Variants in PLAGL1 observed in about 807,000 individuals in gnomAD.
PLAGL1 encodes the protein PLAG1 like zinc finger 1.
In PLAGL1, 1 loss-of-function variant was observed where a neutral mutation model predicts 4.6. The ratio of observed to expected loss-of-function variants is 0.22; its 90% CI spans 0.08 to 1.03. The LOEUF (loss-of-function observed/expected upper bound fraction) is 1.03. PLAGL1 is among the 50% of genes least tolerant of loss of function. The pLI, the probability that PLAGL1 is intolerant of heterozygous loss-of-function variation, is 0.58. For missense variants in PLAGL1, 464 were observed against 570.4 expected (o/e 0.81, Z 1.90); for synonymous variants, 240 against 237.8 (o/e 1.01, Z -0.08).
Position 144,064,187 on chromosome 6 carries a change from A to T in PLAGL1, c.-151+281T>A, listed in dbSNP as rs1285525269. Among the ~76,000 whole-genome samples the T allele has an allele frequency of 6.6e-6, 1 of 151,806 alleles. No individual in the cohort carries two copies. The highest frequency in any genetic ancestry group is 1.5e-5 in the Non-Finnish European group (1 of 67,920). ...CCGCCCTCCGCCCAGCGCAGAAGCG[A>T]AGAGCTGCAGACGACGGAGAAAAGG... On this transcript the variant is annotated intron_variant, in intron 1 of 3. Coordinates refer to the PLAGL1 transcript ENST00000437412. This position sits in a 1 kb window ranked among gnomAD's most constrained non-coding sequence, Gnocchi z 6.8.
Position 143,966,252 on chromosome 6 carries a change from AG to A in PLAGL1, c.-471-55del, listed in dbSNP as rs1470837076. ...ACCACTGAAAGTTGTTAATCAGGAG[AG>A]CAATATGTTCAGGCTTGTGTTATAG... On this transcript the variant is annotated intron_variant, in intron 3 of 7. Transcript: ENST00000674357. The surrounding 1 kb of genome is among the most constrained non-coding windows in gnomAD (Gnocchi z 6.0). 1 of 152,218 alleles carries A rather than the reference AG, an allele frequency of 6.6e-6. No individual in the cohort carries two copies. Among genetic ancestry groups the A allele is most frequent in the African/African-American group, 2.4e-5 (1 of 41,466 alleles). 9.4% of individuals were successfully genotyped at this position (152,218 alleles called of 1,614,324 possible). A position where few individuals can be genotyped will look rare whatever the true frequency, so the allele number is the denominator to read the frequency against.
chr6:144,043,855 G>A (rs1797926131), intron 1 of PLAGL1, among the ~76,000 whole-genome samples: 1 of 152,006 alleles, frequency 6.6e-6, no homozygotes, highest in Non-Finnish European at 1.5e-5. Context: ...CAATTTCAGG[G>A]CCTGTTATTG....
intron 2 of PLAGL1, among the ~76,000 whole-genome samples, chr6:143,980,238 G>C (rs991917961): frequency 6.6e-6 from 1 of 151,880 alleles, no homozygotes; most frequent in Admixed American, 6.6e-5. Flanking sequence ...TTAGATTTGT[G>C]GATTTATTGT....
At position 143,947,817 on chromosome 6, in the gene PLAGL1, G is replaced by T. The variant is rs2076683; in HGVS notation, c.152+168C>A. On this transcript the variant is annotated intron_variant, in intron 7 of 7. Transcript: ENST00000674357. This position sits in a 1 kb window ranked among gnomAD's most constrained non-coding sequence, Gnocchi z 4.3. ...ATGAACTGACACTGCACAACAAGACGGTCACATAAAACCACAGGAATCACT... is the reference window on the plus strand; with the variant it reads ...ATGAACTGACACTGCACAACAAGACTGTCACATAAAACCACAGGAATCACT... 0.35 allele frequency among the ~76,000 whole-genome samples: 53,699 copies of T among 152,028 alleles called. 10,456 individuals carry two copies. The highest frequency in any genetic ancestry group is 0.44 in the Non-Finnish European group (30,007 of 67,946).
chr6:143,941,325 C>T lies in PLAGL1; in HGVS notation c.*99G>A. On this transcript the variant is annotated 3_prime_UTR_variant, in exon 8 of 8. Transcript: ENST00000674357. The surrounding 1 kb of genome is among the most constrained non-coding windows in gnomAD (Gnocchi z 6.0). ...CAGTCATCACTGAATAAGCCATAGT[C>T]CCAGTCTCGTTTTCCAAATCTTTCT... 4 of 877,528 alleles carry T rather than the reference C, an allele frequency of 4.6e-6. No homozygotes were observed. The highest frequency in any genetic ancestry group is 2.7e-5 in the East Asian group (1 of 36,742). 54.4% of individuals were successfully genotyped at this position (877,528 alleles called of 1,614,324 possible). A position where few individuals can be genotyped will look rare whatever the true frequency, so the allele number is the denominator to read the frequency against.
chr6:144,016,531 A>T lies in PLAGL1; in HGVS notation c.-150-47553T>A, dbSNP rs578022897. Among the ~76,000 whole-genome samples the T allele has an allele frequency of 6.6e-6, 1 of 152,198 alleles. No individual in the cohort carries two copies. The highest frequency in any genetic ancestry group is 1.5e-5 in the Non-Finnish European group (1 of 68,034). ...TATTAACCATCATAATATGTAAACGACACATGGTCCCATTCATAGGAAATT... is the reference window on the plus strand; with the variant it reads ...TATTAACCATCATAATATGTAAACGTCACATGGTCCCATTCATAGGAAATT... On this transcript the variant is annotated intron_variant, in intron 1 of 3. Transcript: ENST00000437412. The surrounding 1 kb of genome is among the most constrained non-coding windows in gnomAD (Gnocchi z 4.2).
At chr6:143,974,906 G>C (rs1786172647) in intron 2 of PLAGL1, among the ~76,000 whole-genome samples, 1 of 152,116 alleles carries the variant, frequency 6.6e-6, no homozygotes, top group African/African-American at 2.4e-5. Context: ...AAATACTACT[G>C]AAAGAAAGTC....
At position 143,948,033 on chromosome 6, in the gene PLAGL1, A is replaced by G; in HGVS notation, c.104T>C (p.Val35Ala). 1 of 1,614,206 alleles carries G rather than the reference A, an allele frequency of 6.2e-7. No individual in the cohort carries two copies. The highest frequency in any genetic ancestry group is 8.5e-7 in the Non-Finnish European group (1 of 1,179,998). Reference sequence around the variant, plus strand: ...AAAGGCTTTGCCACAGTCAGGCTGCACACACTTGTACGGCCGCTCCCTGGA... The same window carrying G: ...AAAGGCTTTGCCACAGTCAGGCTGCGCACACTTGTACGGCCGCTCCCTGGA... ...SHSRERPYKC[V>A]QPDCGKAFVS... Residue 35 changes from valine (V) to alanine (A), a missense_variant, in exon 7 of 8, where the codon GTG becomes GCG. By Grantham distance (64) the Val-to-Ala change is moderately conservative (BLOSUM62 0). Transcript: ENST00000674357. The surrounding 1 kb of genome is among the most constrained non-coding windows in gnomAD (Gnocchi z 6.0).
Position 143,997,788 on chromosome 6 carries a change from TGAGA to T in PLAGL1, c.-584+10298_-584+10301del, listed in dbSNP as rs150610164. 0.024 allele frequency among the ~76,000 whole-genome samples: 3,691 copies of T among 152,130 alleles called. 136 individuals carry two copies. Among genetic ancestry groups the T allele is most frequent in the African/African-American group, 0.085 (3,512 of 41,470 alleles). On this transcript the variant is annotated intron_variant, in intron 1 of 7. Transcript: ENST00000674357. The surrounding 1 kb of genome is among the most constrained non-coding windows in gnomAD (Gnocchi z 4.6). ...GGGGAGGTGTTGACCAGGAGGTAAATGAGAGAATTTTATCCTCGATGGATGTAAT... is the reference window on the plus strand; with the variant it reads ...GGGGAGGTGTTGACCAGGAGGTAAATGAATTTTATCCTCGATGGATGTAAT...
chr6:143,971,095 CT>C lies in PLAGL1; in HGVS notation c.-543-2118del, dbSNP rs560762143. The stretch of plus-strand genomic sequence containing the variant: ...TGAAATCTAAGTGCTATGCTTAATG[CT>C]TTTTTTTTTTATCTTCAAGTTAATA... On this transcript the variant is annotated intron_variant, in intron 2 of 7. Coordinates refer to ENST00000674357, the MANE Select transcript of PLAGL1 (RefSeq NM_001317162.2). This position sits in a 1 kb window ranked among gnomAD's most constrained non-coding sequence, Gnocchi z 4.7. 0.035 allele frequency among the ~76,000 whole-genome samples: 5,082 copies of C among 145,508 alleles called. 105 individuals carry two copies. The highest frequency in any genetic ancestry group is 0.066 in the Middle Eastern group (18 of 272).
rs901127695 is a variant in PLAGL1, at chr6:143,995,077, G to A, written c.-583-9903C>T. Reference sequence around the variant, plus strand: ...ATGCTTGCTGTATTACTTATTAACTGTCTGATATTGGGAAAGGCTTCATTC... The same window carrying A: ...ATGCTTGCTGTATTACTTATTAACTATCTGATATTGGGAAAGGCTTCATTC... On this transcript the variant is annotated intron_variant, in intron 1 of 7. Coordinates refer to ENST00000674357, the MANE Select transcript of PLAGL1 (RefSeq NM_001317162.2). The surrounding 1 kb of genome is among the most constrained non-coding windows in gnomAD (Gnocchi z 4.4). Among the ~76,000 whole-genome samples, 12 of 152,202 alleles carry A rather than the reference G, an allele frequency of 7.9e-5. No homozygotes were observed. The highest frequency in any genetic ancestry group is 6.5e-5 in the Admixed American group (1 of 15,290).
chr6:144,005,613 C>T lies in PLAGL1; in HGVS notation c.-584+2477G>A, dbSNP rs146698466. On this transcript the variant is annotated intron_variant, in intron 1 of 7. Transcript: ENST00000674357. This position sits in a 1 kb window ranked among gnomAD's most constrained non-coding sequence, Gnocchi z 4.6. ...AATTCTTAGAAAAATATTCAGAATA[C>T]ATTTCATTAATAGTAGAGTATCTTA... 234 of 152,118 alleles carry T rather than the reference C, an allele frequency of 1.5e-3. 1 individual carries two copies. Among genetic ancestry groups the T allele is most frequent in the African/African-American group, 5.3e-3 (222 of 41,502 alleles). The allele number at this position is 152,118 out of a possible 1,614,324, so 9.4% of individuals were successfully genotyped here. A position where few individuals can be genotyped will look rare whatever the true frequency, so the allele number is the denominator to read the frequency against.
At chr6:143,999,399 T>C (rs931291243) in intron 1 of PLAGL1, among the ~76,000 whole-genome samples, 2 of 152,180 alleles carry the variant, frequency 1.3e-5, no homozygotes, top group African/African-American at 4.8e-5. Flanking sequence ...ATATTCCAAA[T>C]ATGGAAATCT....
Position 143,978,873 on chromosome 6 carries a change from T to C in PLAGL1, c.-544+6262A>G, listed in dbSNP as rs1246410404. ...TCTATAGCCTTCTTGGTTTTCCAAC[T>C]ACTTGATCTATTATCTATTGAAGGA... On this transcript the variant is annotated intron_variant, in intron 2 of 7. Transcript: ENST00000674357. The surrounding 1 kb of genome is among the most constrained non-coding windows in gnomAD (Gnocchi z 4.6). Among the ~76,000 whole-genome samples the C allele has an allele frequency of 1.3e-5, 2 of 152,202 alleles. No homozygotes were observed. Among genetic ancestry groups the C allele is most frequent in the African/African-American group, 4.8e-5 (2 of 41,452 alleles).
chr6:144,029,378 G>A (rs1796626763), intron 1 of PLAGL1, among the ~76,000 whole-genome samples: 2 of 152,146 alleles, frequency 1.3e-5, no homozygotes, highest in Non-Finnish European at 2.9e-5. Context: ...CTGATGGGGT[G>A]GGAGCAGGGG....
At position 144,034,349 on chromosome 6, in the gene PLAGL1, C is replaced by T. The variant is rs1797058888; in HGVS notation, c.-151+30119G>A. Among the ~76,000 whole-genome samples, 1 of 152,230 alleles carries T rather than the reference C, an allele frequency of 6.6e-6. No individual in the cohort carries two copies. Among genetic ancestry groups the T allele is most frequent in the African/African-American group, 2.4e-5 (1 of 41,456 alleles). On this transcript the variant is annotated intron_variant, in intron 1 of 3. Coordinates refer to the PLAGL1 transcript ENST00000437412. The surrounding 1 kb of genome is among the most constrained non-coding windows in gnomAD (Gnocchi z 4.7). ...TTGCTGACTCAGGCTGCTGGGCACA[C>T]AGCCCCCAGGCTGACTGGAAGACGG... is the stretch of plus-strand genomic sequence containing the variant.
At chr6:144,038,245 T>C (rs147488221) in intron 1 of PLAGL1, among the ~76,000 whole-genome samples, 1 of 152,252 alleles carries the variant, frequency 6.6e-6, no homozygotes, top group Admixed American at 6.5e-5. Flanking sequence ...TTATTGTTTG[T>C]TTGTTTGAAC....
chr6:144,050,188 G>A lies in PLAGL1; in HGVS notation c.-151+14280C>T, dbSNP rs1333451038. Among the ~76,000 whole-genome samples, 3 of 152,090 alleles carry A rather than the reference G, an allele frequency of 2.0e-5. No homozygotes were observed. Among genetic ancestry groups the A allele is most frequent in the African/African-American group, 7.2e-5 (3 of 41,412 alleles). On this transcript the variant is annotated intron_variant, in intron 1 of 3. Coordinates refer to the PLAGL1 transcript ENST00000437412. This position sits in a 1 kb window ranked among gnomAD's most constrained non-coding sequence, Gnocchi z 4.3. ...TTTGAGGGAAATTGAGACCACCTAA[G>A]GGAACAAGAGATTCACATTGCCCAG...
rs766911090 is a variant in PLAGL1 at position 143,990,883 on chromosome 6, G to A, written c.-583-5709C>T. Reference sequence around the variant, plus strand: ...TTCATTATTTTTAATTGAGAAAAAGGACCTTGCTTTGCCTATGAATGTTTT... The same window carrying A: ...TTCATTATTTTTAATTGAGAAAAAGAACCTTGCTTTGCCTATGAATGTTTT... On this transcript the variant is annotated intron_variant, in intron 1 of 7. Transcript: ENST00000674357. This position sits in a 1 kb window ranked among gnomAD's most constrained non-coding sequence, Gnocchi z 5.4. 7.9e-5 allele frequency among the ~76,000 whole-genome samples: 12 copies of A among 152,140 alleles called. No homozygotes were observed. The highest frequency in any genetic ancestry group is 2.6e-4 in the Admixed American group (4 of 15,274).
Sources: allele counts gnomAD v4.1 joint callset (sites outside exome capture counted in the v4.1 genomes callset), GRCh38; gene constraint gnomAD v4.1.1; non-coding constraint Gnocchi (gnomAD v3.1); transcripts MANE v1.5; gene names NCBI Gene and HGNC (gene_info 2026-07-23, HGNC 2026-07-21).